The following NAP1L1 variants were observed in gnomAD, a reference collection of about 807,000 sequenced individuals.
NAP1L1 encodes nucleosome assembly protein 1 like 1, also known as nucleosome assembly protein 1-like 1.
A neutral mutation model predicts 58.9 loss-of-function variants in NAP1L1; 9 were observed. The observed-to-expected ratio is 0.15, with a 90% confidence interval of 0.09 to 0.27. The LOEUF (loss-of-function observed/expected upper bound fraction) is 0.27. Ranked by LOEUF, NAP1L1 falls within the 10% of genes least tolerant of loss-of-function variation. The probability of loss-of-function intolerance (pLI) is 1.00; values close to 1 mark genes in which losing one functional copy is unlikely to be tolerated. For synonymous variants in NAP1L1, 130 were observed against 138.3 expected, an observed-to-expected ratio of 0.94 and a Z score of 0.42; for missense variants, 302 against 458.8, an observed-to-expected ratio of 0.66 and a Z score of 3.12.
chr12:76,075,553 T>C (rs553777529), intron 1 of NAP1L1, among the ~76,000 whole-genome samples: 1 of 152,352 alleles, frequency 6.6e-6, no homozygotes, highest in South Asian at 2.1e-4. Context: ...TTCTTCCTAA[T>C]GTATCTAACT....
At chr12:76,062,707 G>A (rs1949472903) in intron 4 of NAP1L1, among the ~76,000 whole-genome samples, 2 of 152,190 alleles carry the variant, frequency 1.3e-5, no homozygotes, top group Admixed American at 6.5e-5. Flanking sequence ...CAGCATGAAA[G>A]ACAGATGGAA....
At position 76,039,138 on chromosome 12, in the gene NAP1L1, G is replaced by A. The variant is rs948269273; in HGVS notation, c.*9291C>T. 3.3e-5 allele frequency: 5 copies of A among 151,978 alleles called. No homozygotes were observed. The highest frequency in any genetic ancestry group is 6.6e-5 in the Admixed American group (1 of 15,264). The allele number at this position is 151,978 out of a possible 1,614,324, so 9.4% of individuals were successfully genotyped here. ...ATCCTTTTCTAAATCAACTTATTTC[G>A]ACATATGTGGCCAATGTGGCTGTCA... is the stretch of plus-strand genomic sequence containing the variant. On this transcript the variant is annotated 3_prime_UTR_variant, in exon 15 of 15. Coordinates refer to ENST00000618691, the MANE Select transcript of NAP1L1 (RefSeq NM_004537.7).
Position 76,044,942 on chromosome 12 carries a change from C to G in NAP1L1, c.*3487G>C, listed in dbSNP as rs927576565. ...ATATCTGGAGTTTTAATCCAGCATA[C>G]AAAAATCACCAGTATACATCTATTA... On this transcript the variant is annotated 3_prime_UTR_variant, in exon 15 of 15. Coordinates refer to ENST00000618691, the MANE Select transcript of NAP1L1 (RefSeq NM_004537.7). 3 of 152,060 alleles carry G rather than the reference C, an allele frequency of 2.0e-5. No homozygotes were observed. Among genetic ancestry groups the G allele is most frequent in the Non-Finnish European group, 4.4e-5 (3 of 67,992 alleles). The allele number at this position is 152,060 out of a possible 1,614,324, so 9.4% of individuals were successfully genotyped here.
chr12:76,067,477 TA>T lies in NAP1L1; in HGVS notation c.104-5del, dbSNP rs3214625. ...ATCTGAACAGTTAGCTGACGTGCTT[TA>T]AAAAAAAAAGGGCATCGAAAGAAGG... On this transcript the variant is annotated splice_polypyrimidine_tract_variant and splice_region_variant and intron_variant, in intron 3 of 14. Transcript: ENST00000618691. 4.1e-3 allele frequency: 5,625 copies of T among 1,386,262 alleles called. 1 individual carries two copies. Among genetic ancestry groups the T allele is most frequent in the South Asian group, 0.012 (869 of 73,242 alleles). 85.9% of individuals were successfully genotyped at this position (1,386,262 alleles called of 1,614,324 possible). A position where few individuals can be genotyped will look rare whatever the true frequency, so the allele number is the denominator to read the frequency against.
At chr12:76,056,561 TG>T in intron 6 of NAP1L1, 1 of 449,286 alleles carries the variant, frequency 2.2e-6, no homozygotes, top group Non-Finnish European at 4.4e-6. Context: ...GCTAGAGAGG[TG>T]GAACACTTAA....
chr12:76,052,353 G>A (rs944597879), intron 11 of NAP1L1, among the ~76,000 whole-genome samples: 5 of 152,056 alleles, frequency 3.3e-5, no homozygotes, highest in African/African-American at 1.2e-4. Flanking sequence ...ACTTAAAGTA[G>A]TTTTTCTCAC....
rs1194486071 is a variant in NAP1L1 at position 76,046,954 on chromosome 12, GA to G, written c.*1474del. 6.6e-6 allele frequency: 1 copy of G among 152,340 alleles called. No individual in the cohort carries two copies. The highest frequency in any genetic ancestry group is 1.5e-5 in the Non-Finnish European group (1 of 67,898). 9.4% of individuals were successfully genotyped at this position (152,340 alleles called of 1,614,324 possible). A position where few individuals can be genotyped will look rare whatever the true frequency, so the allele number is the denominator to read the frequency against. On this transcript the variant is annotated 3_prime_UTR_variant, in exon 15 of 15. Coordinates refer to ENST00000618691, the MANE Select transcript of NAP1L1 (RefSeq NM_004537.7). ...TACAATACAGTCATCAAAAATATCT[GA>G]AAACAAATCTTGGACCTTGTGAAAT...
At chr12:76,055,491 T>G (rs1177508211) in intron 7 of NAP1L1, among the ~76,000 whole-genome samples, 1 of 152,176 alleles carries the variant, frequency 6.6e-6, no homozygotes, top group African/African-American at 2.4e-5. Flanking sequence ...GTGAAGATCA[T>G]TTCTTTTTCT....
chr12:76,061,286 T>G (rs1482203600), intron 4 of NAP1L1, among the ~76,000 whole-genome samples: 1 of 152,166 alleles, frequency 6.6e-6, no homozygotes, highest in Non-Finnish European at 1.5e-5. Context: ...CCTCCCACAC[T>G]CCACCCTCAA....
chr12:76,076,668 T>A (rs1395653050), intron 1 of NAP1L1, among the ~76,000 whole-genome samples: 2 of 146,380 alleles, frequency 1.4e-5, no homozygotes, highest in Non-Finnish European at 3.0e-5. Flanking sequence ...CTAACCAGAG[T>A]AACCTAATGA....
chr12:76,073,444 A>G (rs1252248979), intron 2 of NAP1L1, among the ~76,000 whole-genome samples: 1 of 152,154 alleles, frequency 6.6e-6, no homozygotes, highest in Non-Finnish European at 1.5e-5. Context: ...TGCCAACTTG[A>G]TTAAACCTAT....
intron 3 of NAP1L1, 70 bp from the exon 4 acceptor site, chr12:76,067,543 C>T (rs1949738789): frequency 1.7e-5 from 22 of 1,265,778 alleles, no homozygotes; most frequent in Non-Finnish European, 2.3e-5. Flanking sequence ...ATAGGACAAT[C>T]CAATCTCATG....
chr12:76,074,388 A>C, intron 1 of NAP1L1, 149 bp from the exon 2 acceptor site: 1 of 1,313,960 alleles, frequency 7.6e-7, no homozygotes, highest in Non-Finnish European at 9.7e-7. Flanking sequence ...TAAGAAGAAA[A>C]AACTCATGGA....
At chr12:76,083,379 A>G (rs1950480976) in intron 1 of NAP1L1, among the ~76,000 whole-genome samples, 2 of 148,788 alleles carry the variant, frequency 1.3e-5, no homozygotes, top group African/African-American at 5.0e-5. Flanking sequence ...AACCGTTTGC[A>G]GGGGTGGTCC....
chr12:76,072,899 C>G (rs1172937202), intron 2 of NAP1L1, among the ~76,000 whole-genome samples: 2 of 152,094 alleles, frequency 1.3e-5, no homozygotes, highest in African/African-American at 4.8e-5. Context: ...CCCTTGTACT[C>G]TTCCAAGAAG....
chr12:76,055,224 C>G (rs551406291), intron 7 of NAP1L1, 134 bp from the exon 8 acceptor site: 37 of 539,816 alleles, frequency 6.9e-5, no homozygotes, highest in African/African-American at 4.1e-4. Context: ...AACCTTAAGA[C>G]TTACTCTCCA....
rs201787221 is a variant in NAP1L1, at chr12:76,053,360, C to A, written c.771-10G>T. On this transcript the variant is annotated splice_polypyrimidine_tract_variant and intron_variant, in intron 9 of 14. Transcript: ENST00000618691. ...CCAATCTATCTGGCACCTTGCAAAACAAAGAAGAAAAATCTATTACAATTG... is the reference window on the plus strand; with the variant it reads ...CCAATCTATCTGGCACCTTGCAAAAAAAAGAAGAAAAATCTATTACAATTG... 5.6e-6 allele frequency: 9 copies of A among 1,603,618 alleles called. No individual in the cohort carries two copies. Among genetic ancestry groups the A allele is most frequent in the Non-Finnish European group, 7.6e-6 (9 of 1,176,964 alleles).
rs1307531254 is a variant in NAP1L1, at chr12:76,059,779, A to C, written c.429+19T>G. The C allele has an allele frequency of 7.8e-6, 12 of 1,540,908 alleles. No individual in the cohort carries two copies. Among genetic ancestry groups the C allele is most frequent in the South Asian group, 4.7e-5 (4 of 84,794 alleles). On this transcript the variant is annotated intron_variant, in intron 6 of 14. Coordinates refer to ENST00000618691, the MANE Select transcript of NAP1L1 (RefSeq NM_004537.7). ...ATTTTATCATCTTAAAAACATACCA[A>C]AATAAAGTTGGTACTAACCGAAATC...
At chr12:76,057,841 G>T in intron 6 of NAP1L1, 56 of 1,526,798 alleles carry the variant, frequency 3.7e-5, no homozygotes, top group Non-Finnish European at 5.0e-5. Flanking sequence ...AGGTGGAAGG[G>T]GTCAAATAAA....
Sources: allele counts gnomAD v4.1 joint callset (sites outside exome capture counted in the v4.1 genomes callset), GRCh38; gene constraint gnomAD v4.1.1; transcripts MANE v1.5; gene names NCBI Gene and HGNC (gene_info 2026-07-23, HGNC 2026-07-21).